KLC1: variants seen among roughly 807,000 people sequenced by gnomAD.
The protein encoded by KLC1 is kinesin 2 60/70kDa.
KLC1 carries 30 observed loss-of-function variants against 84.2 expected under a neutral mutation model. The observed-to-expected ratio is 0.36, with a 90% CI of 0.27 to 0.48. The LOEUF (loss-of-function observed/expected upper bound fraction) is 0.48. Ranked by LOEUF, KLC1 falls within the 20% of genes least tolerant of loss-of-function variation. KLC1 has a pLI of 0.99. For synonymous variants in KLC1, 289 were observed against 293.3 expected, an observed-to-expected ratio of 0.99 and a Z score of 0.15; for missense variants, 499 against 805.4, an observed-to-expected ratio of 0.62 and a Z score of 4.60.
At chr14:103,636,880 G>A (rs1364006206) in intron 1 of KLC1, among the ~76,000 whole-genome samples, 1 of 150,878 alleles carries the variant, frequency 6.6e-6, no homozygotes, top group Non-Finnish European at 1.5e-5. Flanking sequence ...CTGCCACCAC[G>A]CCCAGCTAAT....
At chr14:103,686,252 G>A in intron 13 of KLC1, 1 of 984,168 alleles carries the variant, frequency 1.0e-6, no homozygotes, top group Non-Finnish European at 1.2e-6. Context: ...TGTCTGCTTG[G>A]TAGAACTTCT....
At chr14:103,662,334 G>T in intron 4 of KLC1, 140 bp downstream of exon 4, 1 of 736,864 alleles carries the variant, frequency 1.4e-6, no homozygotes, top group South Asian at 1.6e-5. Flanking sequence ...GTTGCCTTTG[G>T]TTTTCCAAAA....
intron 1 of KLC1, among the ~76,000 whole-genome samples, chr14:103,639,161 ATTC>A (rs1377099080): frequency 9.2e-5 from 14 of 152,120 alleles, no homozygotes; most frequent in African/African-American, 3.4e-4. Context: ...ACAGATGCGA[ATTC>A]TTCTTTCCTT....
chr14:103,647,789 T>C (rs2151423841), intron 1 of KLC1, among the ~76,000 whole-genome samples: 1 of 150,012 alleles, frequency 6.7e-6, no homozygotes, highest in Admixed American at 6.6e-5. Flanking sequence ...GGCAGGAGAA[T>C]CGCTTGAACC....
At chr14:103,653,983 G>C (rs2078659154) in intron 1 of KLC1, among the ~76,000 whole-genome samples, 1 of 152,098 alleles carries the variant, frequency 6.6e-6, no homozygotes, top group South Asian at 2.1e-4. Context: ...ACATCACCCT[G>C]GGCCTGGCCC....
At chr14:103,641,910 C>G (rs2077521607) in intron 1 of KLC1, among the ~76,000 whole-genome samples, 1 of 151,908 alleles carries the variant, frequency 6.6e-6, no homozygotes, top group African/African-American at 2.4e-5. Context: ...GTATCAGCCA[C>G]TATACTCTGC....
At chr14:103,700,041 G>A in intron 15 of KLC1, 1 of 265,240 alleles carries the variant, frequency 3.8e-6, no homozygotes. Flanking sequence ...GCCCGTGGTG[G>A]CCATGACCTC....
rs777515106 is a variant in KLC1 at position 103,699,396 on chromosome 14, C to T, written c.1849-1259C>T. 6 of 1,611,508 alleles carry T rather than the reference C, an allele frequency of 3.7e-6. No homozygotes were observed. Among genetic ancestry groups the T allele is most frequent in the Admixed American group, 3.3e-5 (2 of 59,744 alleles). On this transcript the variant is annotated intron_variant, in intron 15 of 16. Coordinates refer to ENST00000334553, the MANE Select transcript of KLC1 (RefSeq NM_001394837.1). ...ATGCACAGCACAGGGCTCTGGAAGGCACTGCTCAGCTCACGCAGCGTGGCC... is the reference window on the plus strand; with the variant it reads ...ATGCACAGCACAGGGCTCTGGAAGGTACTGCTCAGCTCACGCAGCGTGGCC...
chr14:103,685,314 C>CA, intron 13 of KLC1: 1 of 1,311,220 alleles, frequency 7.6e-7, no homozygotes, highest in Non-Finnish European at 9.7e-7. Flanking sequence ...TCCTTATATA[C>CA]AGTTACTTGT....
At position 103,664,865 on chromosome 14, in the gene KLC1, CAT is replaced by C. The variant is rs145118085; in HGVS notation, c.797+1941_797+1942del. On this transcript the variant is annotated intron_variant, in intron 5 of 16. Transcript: ENST00000334553. ...TTTTAAACTTATATGCCCATTAAAA[CAT>C]ATGGAAGTTTCTGGACAGCACTGGA... Among the ~76,000 whole-genome samples, 727 of 112,678 alleles carry C rather than the reference CAT, an allele frequency of 6.5e-3. 9 individuals carry two copies. Among genetic ancestry groups the C allele is most frequent in the African/African-American group, 0.024 (696 of 29,508 alleles). The allele number at this position is 112,678 out of a possible 152,430, so 73.9% of individuals were successfully genotyped here.
At chr14:103,661,299 C>T (rs903421250) in intron 3 of KLC1, among the ~76,000 whole-genome samples, 1 of 152,186 alleles carries the variant, frequency 6.6e-6, no homozygotes, top group African/African-American at 2.4e-5. Context: ...GTACATCCTG[C>T]ATGTGGCCGT....
rs534508069 is a variant in KLC1 at position 103,685,322 on chromosome 14, T to C, written c.1651-1759T>C. 4.6e-6 allele frequency: 6 copies of C among 1,292,024 alleles called. No individual in the cohort carries two copies. The African/African-American group carries it at 9.0e-5, about 19-fold the overall frequency. 80.0% of individuals were successfully genotyped at this position (1,292,024 alleles called of 1,614,324 possible). A position where few individuals can be genotyped will look rare whatever the true frequency, so the allele number is the denominator to read the frequency against. ...CATAATCTCCTTATATACAGTTACT[T>C]GTAAAGCCTTTTACACCAAGTGTCA... On this transcript the variant is annotated intron_variant, in intron 13 of 16. Transcript: ENST00000334553.
intron 1 of KLC1, among the ~76,000 whole-genome samples, chr14:103,647,326 C>A (rs555714937): frequency 6.6e-6 from 1 of 151,870 alleles, no homozygotes; most frequent in Non-Finnish European, 1.5e-5. Context: ...CAGGTTCAAG[C>A]GATTCTCCTG....
chr14:103,630,948 G>A (rs1473548087), intron 1 of KLC1, among the ~76,000 whole-genome samples: 3 of 152,164 alleles, frequency 2.0e-5, no homozygotes, highest in Non-Finnish European at 4.4e-5. Context: ...CATTGTCTTA[G>A]AGAAAAGCAT....
chr14:103,696,000 CCCT>C (rs2082443122), intron 15 of KLC1: 3 of 985,268 alleles, frequency 3.0e-6, no homozygotes, highest in Admixed American at 1.2e-4. Context: ...GCCCAGGCAT[CCCT>C]CCTCCTGTGT....
intron 14 of KLC1, among the ~76,000 whole-genome samples, chr14:103,690,826 A>C (rs924333390): frequency 6.6e-6 from 1 of 152,254 alleles, no homozygotes; most frequent in African/African-American, 2.4e-5. Flanking sequence ...TATTTTAAAT[A>C]CATCAGATGG....
intron 5 of KLC1, among the ~76,000 whole-genome samples, chr14:103,668,094 T>A (rs1384258402): frequency 6.6e-6 from 1 of 152,248 alleles, no homozygotes. Flanking sequence ...GCATATCATC[T>A]TCTTACAGCA....
At position 103,677,734 on chromosome 14, in the gene KLC1, A is replaced by AGGT. The variant is rs1446493255; in HGVS notation, c.1488+212_1488+213insGTG. 2.0e-5 allele frequency among the ~76,000 whole-genome samples: 3 copies of AGGT among 152,188 alleles called. No individual in the cohort carries two copies. In the East Asian group the frequency reaches 5.8e-4, roughly 29 times the overall value. Reference sequence around the variant, plus strand: ...AGCACTTTGGGAGGCCAGCGTGGGCAGATCACCTGAGGTCAGGAGTTCAAG... The same window carrying AGGT: ...AGCACTTTGGGAGGCCAGCGTGGGCAGGTGATCACCTGAGGTCAGGAGTTCAAG... On this transcript the variant is annotated intron_variant, in intron 12 of 16. Coordinates refer to ENST00000334553, the MANE Select transcript of KLC1 (RefSeq NM_001394837.1).
intron 15 of KLC1, chr14:103,698,588 A>G (rs1363110424): frequency 4.9e-6 from 3 of 606,408 alleles, no homozygotes; most frequent in Admixed American, 5.5e-5. Flanking sequence ...CTGTCCCCAG[A>G]CCCAGGGAGA....
Sources: allele counts gnomAD v4.1 joint callset (sites outside exome capture counted in the v4.1 genomes callset), GRCh38; gene constraint gnomAD v4.1.1; transcripts MANE v1.5; gene names NCBI Gene and HGNC (gene_info 2026-07-23, HGNC 2026-07-21).